The following PRDM11 variants were observed in gnomAD, a reference collection of about 807,000 sequenced individuals.
The protein encoded by PRDM11 is PR/SET domain 11, also known as PR domain-containing protein 11.
In PRDM11, 20 loss-of-function variants were observed where a neutral mutation model predicts 97.8. That is an observed-to-expected ratio of 0.20 (90% CI 0.14 to 0.30). The LOEUF (loss-of-function observed/expected upper bound fraction) is 0.30, where lower values mean the gene tolerates loss of function less well. PRDM11 is among the 10% of genes least tolerant of loss of function. The probability of loss-of-function intolerance (pLI) is 1.00; values close to 1 mark genes in which losing one functional copy is unlikely to be tolerated. For synonymous variants in PRDM11, 599 were observed against 637.7 expected, an observed-to-expected ratio of 0.94 and a Z score of 0.91; for missense variants, 1,139 against 1,555.2, an observed-to-expected ratio of 0.73 and a Z score of 4.50.
chr11:45,142,039 A>C (rs960133713), upstream of PRDM11, among the ~76,000 whole-genome samples: 1 of 152,198 alleles, frequency 6.6e-6, no homozygotes. Flanking sequence ...CTTCAATCTC[A>C]TCTAGAATTC....
At chr11:45,128,368 G>C (rs535201442) in intron 1 of PRDM11, among the ~76,000 whole-genome samples, 2 of 152,118 alleles carry the variant, frequency 1.3e-5, no homozygotes, top group African/African-American at 4.8e-5. Flanking sequence ...TGCACCCACT[G>C]TCTGGCACTC....
chr11:45,103,364 G>A (rs921308420), intron 1 of PRDM11, among the ~76,000 whole-genome samples: 1 of 152,134 alleles, frequency 6.6e-6, no homozygotes, highest in African/African-American at 2.4e-5. Context: ...GGAGGAAGAG[G>A]AGGAAGATGA....
intron 1 of PRDM11, among the ~76,000 whole-genome samples, chr11:45,174,310 TG>T (rs2135722843): frequency 6.6e-6 from 1 of 152,348 alleles, no homozygotes; most frequent in African/African-American, 2.4e-5. Context: ...TGAACAAACA[TG>T]TCAAATTTCT....
intron 1 of PRDM11, among the ~76,000 whole-genome samples, chr11:45,167,659 T>C (rs1852096527): frequency 6.6e-6 from 1 of 151,996 alleles, no homozygotes; most frequent in African/African-American, 2.4e-5. Context: ...GCAGAAATGA[T>C]TCAGAGTCAG....
intron 1 of PRDM11, among the ~76,000 whole-genome samples, chr11:45,154,622 G>A (rs1162161997): frequency 6.6e-6 from 1 of 151,974 alleles, no homozygotes; most frequent in Non-Finnish European, 1.5e-5. Context: ...GGCACCCCAG[G>A]CCTCTGGAGC....
intron 1 of PRDM11, among the ~76,000 whole-genome samples, chr11:45,100,340 A>AT (rs1236357665): frequency 3.8e-4 from 58 of 152,324 alleles, no homozygotes; most frequent in African/African-American, 1.3e-3. Flanking sequence ...CACTCACCCC[A>AT]GGAGAAAAAA....
In PRDM11 at chr11:45,149,354, A is replaced by G. The variant is rs528438304; in HGVS notation, c.-7+2477A>G. Among the ~76,000 whole-genome samples, 68 of 152,332 alleles carry G rather than the reference A, an allele frequency of 4.5e-4. 2 individuals carry two copies. In the Middle Eastern group the frequency reaches 0.017, roughly 38 times the overall value. ...GCCCCTGCCCTTGACCTCATCTTCT[A>G]TCCTCTCCTAGATCTCTCTGAACTC... On this transcript the variant is annotated intron_variant, in intron 1 of 7. Coordinates refer to ENST00000683152, the MANE Select transcript of PRDM11 (RefSeq NM_001384648.1).
intron 4 of PRDM11, among the ~76,000 whole-genome samples, chr11:45,186,209 T>A (rs994725898): frequency 6.6e-6 from 1 of 152,166 alleles, no homozygotes; most frequent in South Asian, 2.1e-4. Flanking sequence ...AGGGAACTCA[T>A]ATAGGAGGCT....
chr11:45,208,382 C>T (rs1286930327), intron 5 of PRDM11, among the ~76,000 whole-genome samples: 2 of 150,508 alleles, frequency 1.3e-5, no homozygotes, highest in East Asian at 1.9e-4. Flanking sequence ...CGTATTCTTC[C>T]GAGCCATTCA....
At chr11:45,201,461 G>A (rs891123607) in intron 4 of PRDM11, among the ~76,000 whole-genome samples, 2 of 151,058 alleles carry the variant, frequency 1.3e-5, no homozygotes, top group African/African-American at 4.9e-5. Flanking sequence ...TTCCTTTCTT[G>A]TTTCTTTCCT....
chr11:45,226,062 T>C lies in PRDM11; in HGVS notation c.1437T>C (p.Asp479=), dbSNP rs1260282379. ...ATGACCAGGAAGTCGATTCAGCAGA[T>C]GAATCTGTCTCCAATGATATGATGA... ...EDDDQEVDSA[D]ESVSNDMMTA... Residue 479 remains aspartate, a synonymous_variant, in exon 8 of 8, where the codon GAT becomes GAC. Transcript: ENST00000683152. The C allele has an allele frequency of 2.0e-6, 3 of 1,519,358 alleles. No individual in the cohort carries two copies. Among genetic ancestry groups the C allele is most frequent in the African/African-American group, 1.4e-5 (1 of 72,736 alleles). The allele number at this position is 1,519,358 out of a possible 1,614,324, so 94.1% of individuals were successfully genotyped here. A position where few individuals can be genotyped will look rare whatever the true frequency, so the allele number is the denominator to read the frequency against.
Position 45,226,786 on chromosome 11 carries a change from C to A in PRDM11, c.2161C>A (p.Gln721Lys), listed in dbSNP as rs1376474775. Residue 721 changes from glutamine to lysine, a missense_variant, in exon 8 of 8, where the codon CAG (glutamine) becomes AAG (lysine). Physicochemically the swap from Gln to Lys is moderately conservative, Grantham distance 53 (BLOSUM62 1). Transcript: ENST00000683152. ...RAFSALGIRL[Q>K]DEKPTVGLGV... ...CTTCTCGGCCTTGGGCATCCGGTTG[C>A]AGGATGAAAAGCCAACTGTTGGCTT... 20 of 1,533,956 alleles carry A rather than the reference C, an allele frequency of 1.3e-5. No homozygotes were observed. The South Asian group carries it at 2.1e-4, about 16-fold the overall frequency.
intron 1 of PRDM11, among the ~76,000 whole-genome samples, chr11:45,127,409 G>A (rs956918183): frequency 1.2e-4 from 18 of 152,294 alleles, no homozygotes; most frequent in East Asian, 1.2e-3. Flanking sequence ...GAGGAGAGGC[G>A]CTCTGCTTTT....
At position 45,230,459 on chromosome 11, in the gene PRDM11, T is replaced by A. The variant is rs1377389694; in HGVS notation, c.*2300T>A. The A allele has an allele frequency of 1.3e-5, 2 of 152,272 alleles. No individual in the cohort carries two copies. The highest frequency in any genetic ancestry group is 6.5e-5 in the Admixed American group (1 of 15,284). 9.4% of individuals were successfully genotyped at this position (152,272 alleles called of 1,614,324 possible). On this transcript the variant is annotated 3_prime_UTR_variant, in exon 8 of 8. Coordinates refer to ENST00000683152, the MANE Select transcript of PRDM11 (RefSeq NM_001384648.1). Reference sequence around the variant, plus strand: ...CTTTAAACTGATGTCTCCCTCCATCTGCTCCTCCCATCAGGGTCAAAACCT... The same window carrying A: ...CTTTAAACTGATGTCTCCCTCCATCAGCTCCTCCCATCAGGGTCAAAACCT...
intron 1 of PRDM11, among the ~76,000 whole-genome samples, chr11:45,175,645 C>T (rs562184361): frequency 3.3e-5 from 5 of 152,290 alleles, no homozygotes; most frequent in South Asian, 2.1e-4. Flanking sequence ...AATCTTTGCA[C>T]GCAATTTAAA....
chr11:45,162,127 C>T (rs1308470945), intron 1 of PRDM11, among the ~76,000 whole-genome samples: 5 of 152,186 alleles, frequency 3.3e-5, no homozygotes, highest in Non-Finnish European at 2.9e-5. Context: ...CATGGGTTGC[C>T]CTGGGCCCTG....
intron 5 of PRDM11, among the ~76,000 whole-genome samples, chr11:45,215,130 G>A (rs1237908525): frequency 6.6e-6 from 1 of 152,188 alleles, no homozygotes; most frequent in African/African-American, 2.4e-5. Flanking sequence ...CACTTTAGGG[G>A]CCACCTGGAG....
chr11:45,137,542 A>C (rs950616736), intron 1 of PRDM11, among the ~76,000 whole-genome samples: 5 of 152,182 alleles, frequency 3.3e-5, no homozygotes, highest in African/African-American at 1.2e-4. Context: ...CTTGAGCCCA[A>C]GAGTTCCAGA....
At chr11:45,134,120 T>C (rs1168912954) in intron 1 of PRDM11, among the ~76,000 whole-genome samples, 1 of 152,140 alleles carries the variant, frequency 6.6e-6, no homozygotes, top group South Asian at 2.1e-4. Flanking sequence ...CAGCTACCAA[T>C]GGTGATTAGG....
Sources: allele counts gnomAD v4.1 joint callset (sites outside exome capture counted in the v4.1 genomes callset), GRCh38; gene constraint gnomAD v4.1.1; transcripts MANE v1.5; gene names NCBI Gene and HGNC (gene_info 2026-07-23, HGNC 2026-07-21).